Variants in PRORP observed in about 807,000 individuals in gnomAD.
The protein encoded by PRORP is protein only RNase P catalytic subunit.
In PRORP, 51 loss-of-function variants were observed where a neutral mutation model predicts 59.4. The ratio of observed to expected loss-of-function variants is 0.86; its 90% CI spans 0.69 to 1.08. The LOEUF (loss-of-function observed/expected upper bound fraction) is 1.08. Among genes scored for constraint, PRORP ranks in the 50% least tolerant of loss-of-function variants. PRORP has a pLI of 0.00. For synonymous variants in PRORP, 231 were observed against 245.6 expected (o/e 0.94, Z 0.55); for missense variants, 646 against 690.3 (o/e 0.94, Z 0.72).
chr14:35,232,088 A>G (rs1314980187), intron 5 of PRORP, among the ~76,000 whole-genome samples: 1 of 152,166 alleles, frequency 6.6e-6, no homozygotes, highest in Non-Finnish European at 1.5e-5. Context: ...TCACTTAATC[A>G]TAGGTTCAAG....
intron 5 of PRORP, among the ~76,000 whole-genome samples, chr14:35,220,998 A>T (rs1215272246): frequency 2.0e-5 from 3 of 152,184 alleles, no homozygotes; most frequent in Non-Finnish European, 2.9e-5. Flanking sequence ...TCAAGAAGAG[A>T]CTGGGGAGGC....
At chr14:35,213,551 C>T (rs2049507092) in intron 5 of PRORP, among the ~76,000 whole-genome samples, 5 of 152,210 alleles carry the variant, frequency 3.3e-5, no homozygotes, top group African/African-American at 9.6e-5. Flanking sequence ...CCTCACTAAT[C>T]ATCTGTAGAT....
intron 5 of PRORP, among the ~76,000 whole-genome samples, chr14:35,239,845 C>T (rs370629360): frequency 2.0e-5 from 3 of 152,088 alleles, no homozygotes; most frequent in Non-Finnish European, 2.9e-5. Flanking sequence ...GAGGCAGAGG[C>T]GGGCAGATCA....
At chr14:35,185,317 G>A (rs2048717117) in intron 5 of PRORP, among the ~76,000 whole-genome samples, 1 of 152,012 alleles carries the variant, frequency 6.6e-6, no homozygotes, top group Non-Finnish European at 1.5e-5. Context: ...CCACATGTTT[G>A]TCTTCTTTTG....
At position 35,273,688 on chromosome 14, in the gene PRORP, A is replaced by G. The variant is rs554893171; in HGVS notation, c.*122A>G. 3 of 812,804 alleles carry G rather than the reference A, an allele frequency of 3.7e-6. No individual in the cohort carries two copies. Among genetic ancestry groups the G allele is most frequent in the African/African-American group, 3.5e-5 (2 of 56,814 alleles). The allele number at this position is 812,804 out of a possible 1,614,324, so 50.3% of individuals were successfully genotyped here. On this transcript the variant is annotated 3_prime_UTR_variant, in exon 8 of 8. Transcript: ENST00000534898. Reference sequence around the variant, plus strand: ...CTGAAGATAAAAGGATTCTATTAACAGCATTGACATTGATTTTTTAATGAA... The same window carrying G: ...CTGAAGATAAAAGGATTCTATTAACGGCATTGACATTGATTTTTTAATGAA...
chr14:35,185,920 G>T (rs552978020), intron 5 of PRORP, among the ~76,000 whole-genome samples: 119 of 152,228 alleles, frequency 7.8e-4, no homozygotes, highest in Non-Finnish European at 1.6e-3. Context: ...GTACAATTTT[G>T]TTGGTTACTG....
At chr14:35,219,835 G>C (rs1193399166) in intron 5 of PRORP, among the ~76,000 whole-genome samples, 1 of 152,132 alleles carries the variant, frequency 6.6e-6, no homozygotes, top group Non-Finnish European at 1.5e-5. Context: ...CCATGTGGTA[G>C]CTTCCCACAT....
intron 5 of PRORP, among the ~76,000 whole-genome samples, chr14:35,205,365 T>A (rs1036984507): frequency 6.6e-6 from 1 of 152,102 alleles, no homozygotes; most frequent in Non-Finnish European, 1.5e-5. Flanking sequence ...TGTATTTTAT[T>A]TTTTAGTAGA....
At chr14:35,267,424 G>T (rs895473845) in intron 6 of PRORP, among the ~76,000 whole-genome samples, 1 of 152,104 alleles carries the variant, frequency 6.6e-6, no homozygotes, top group Non-Finnish European at 1.5e-5. Context: ...GGGCAGATTC[G>T]ATGAGGAGTG....
intron 4 of PRORP, chr14:35,158,855 C>A: frequency 6.5e-6 from 2 of 308,038 alleles, no homozygotes; most frequent in Admixed American, 3.8e-5. Context: ...CTTGGATATT[C>A]TGGAGAATGC....
At chr14:35,191,183 G>C (rs1293547526) in intron 5 of PRORP, among the ~76,000 whole-genome samples, 1 of 152,092 alleles carries the variant, frequency 6.6e-6, no homozygotes, top group African/African-American at 2.4e-5. Flanking sequence ...ATTGAATCCT[G>C]GGGGCAGTTT....
upstream of PRORP, chr14:35,122,019 A>G: frequency 6.3e-7 from 1 of 1,590,630 alleles, no homozygotes; most frequent in South Asian, 1.1e-5. Flanking sequence ...CACCCCTACC[A>G]GCTCAGGCGT....
At chr14:35,131,508 G>A (rs972396317) in intron 4 of PRORP, among the ~76,000 whole-genome samples, 7 of 146,666 alleles carry the variant, frequency 4.8e-5, no homozygotes, top group African/African-American at 1.8e-4. Flanking sequence ...TATGTTATTT[G>A]TTTTTTTCTC....
At chr14:35,180,883 A>G in intron 5 of PRORP, 106 bp downstream of exon 5, 2 of 714,922 alleles carry the variant, frequency 2.8e-6, no homozygotes. Flanking sequence ...TTCCTCTAAA[A>G]CTAAGGTCTT....
intron 4 of PRORP, among the ~76,000 whole-genome samples, chr14:35,174,739 C>CT (rs151311368): frequency 5.3e-4 from 58 of 110,392 alleles, no homozygotes; most frequent in Admixed American, 4.8e-3. Context: ...GTTCATTCTT[C>CT]TTTTTTTTTT....
chr14:35,181,355 A>G (rs2048600995), intron 5 of PRORP, among the ~76,000 whole-genome samples: 1 of 152,226 alleles, frequency 6.6e-6, no homozygotes. Context: ...ATTGAGGCTA[A>G]TTTTGTATAG....
intron 5 of PRORP, among the ~76,000 whole-genome samples, chr14:35,257,569 A>C (rs1413529025): frequency 6.6e-6 from 1 of 152,238 alleles, no homozygotes; most frequent in Non-Finnish European, 1.5e-5. Context: ...ATATGTATAT[A>C]CCACATTTTA....
chr14:35,177,106 TG>T (rs1378041938), intron 4 of PRORP, among the ~76,000 whole-genome samples: 3 of 152,218 alleles, frequency 2.0e-5, no homozygotes, highest in African/African-American at 7.2e-5. Context: ...TTGATCGTGG[TG>T]GATAAGCTTT....
chr14:35,226,568 A>G (rs918458315), intron 5 of PRORP, among the ~76,000 whole-genome samples: 18 of 152,284 alleles, frequency 1.2e-4, no homozygotes, highest in African/African-American at 4.1e-4. Flanking sequence ...ATAAAGTAGT[A>G]CTTTGGAGAT....
Sources: allele counts gnomAD v4.1 joint callset (sites outside exome capture counted in the v4.1 genomes callset), GRCh38; gene constraint gnomAD v4.1.1; transcripts MANE v1.5; gene names NCBI Gene and HGNC (gene_info 2026-07-23, HGNC 2026-07-21).